LINGO2: variants seen among roughly 807,000 people sequenced by gnomAD.
LINGO2 encodes leucine-rich repeat and immunoglobulin-like domain-containing nogo receptor-interacting protein 2.
LINGO2 carries 14 observed loss-of-function variants against 30.6 expected under a neutral mutation model. That is an observed-to-expected ratio of 0.46 (90% CI 0.30 to 0.72). The LOEUF is 0.72. Ranked by LOEUF, LINGO2 falls within the 30% of genes least tolerant of loss-of-function variation. The pLI, the probability that LINGO2 is intolerant of heterozygous loss-of-function variation, is 0.07. For synonymous variants in LINGO2, 317 were observed against 288.5 expected, an observed-to-expected ratio of 1.10 and a Z score of -1.00; for missense variants, 729 against 751.7, an observed-to-expected ratio of 0.97 and a Z score of 0.35.
At chr9:28,616,716 T>G (rs1209329514) in intron 1 of LINGO2, among the ~76,000 whole-genome samples, 1 of 152,246 alleles carries the variant, frequency 6.6e-6, no homozygotes, top group Non-Finnish European at 1.5e-5. Context: ...TGCAATCATT[T>G]GGACTGGGCA....
chr9:28,506,485 C>T (rs370165592), intron 1 of LINGO2, among the ~76,000 whole-genome samples: 54,636 of 72,622 alleles, frequency 0.75, 20,366 homozygotes, highest in South Asian at 0.8. Context: ...CACACATACA[C>T]ATACACACAC....
chr9:28,939,736 A>G, the LINGO2 span, among the ~76,000 whole-genome samples: 138,018 of 152,134 alleles, frequency 0.91, 62,784 homozygotes, highest in Non-Finnish European at 0.94. Context: ...AAATACAGCA[A>G]CTGGAATATA....
the LINGO2 span, among the ~76,000 whole-genome samples, chr9:28,910,732 C>T: frequency 6.6e-6 from 1 of 151,944 alleles, no homozygotes. Context: ...CCTGTACAGC[C>T]TGAAGAACCA....
chr9:28,290,299 C>A (rs1000015869), intron 4 of LINGO2, among the ~76,000 whole-genome samples: 1 of 152,116 alleles, frequency 6.6e-6, no homozygotes, highest in Admixed American at 6.5e-5. Context: ...TGTTTTCAGG[C>A]AAATCAGTGG....
At chr9:28,256,790 A>G (rs1822396591) in intron 4 of LINGO2, among the ~76,000 whole-genome samples, 1 of 152,000 alleles carries the variant, frequency 6.6e-6, no homozygotes, top group African/African-American at 2.4e-5. Context: ...TTCTTATTTT[A>G]GAAAATGTGA....
chr9:29,051,560 T>C, the LINGO2 span, among the ~76,000 whole-genome samples: 14 of 152,138 alleles, frequency 9.2e-5, no homozygotes, highest in African/African-American at 3.1e-4. Context: ...TCCTCCTCTG[T>C]TCCCTAATGT....
the LINGO2 span, among the ~76,000 whole-genome samples, chr9:28,970,436 C>T: frequency 6.6e-6 from 1 of 152,102 alleles, no homozygotes; most frequent in Non-Finnish European, 1.5e-5. Flanking sequence ...ATCAGGTGAG[C>T]ACTCACACTA....
the LINGO2 span, among the ~76,000 whole-genome samples, chr9:28,778,675 A>T: frequency 1.2e-4 from 18 of 152,298 alleles, 2 homozygotes; most frequent in African/African-American, 4.3e-4. Context: ...TCCTGATGAA[A>T]TACCCTAGGG....
At chr9:28,495,502 G>T (rs1433499677) in intron 1 of LINGO2, among the ~76,000 whole-genome samples, 3 of 152,010 alleles carry the variant, frequency 2.0e-5, no homozygotes, top group Admixed American at 2.0e-4. Context: ...GTTTTTGTCA[G>T]GTTTGTCAAA....
At chr9:28,017,722 T>C (rs568685658) in intron 4 of LINGO2, among the ~76,000 whole-genome samples, 4 of 152,186 alleles carry the variant, frequency 2.6e-5, no homozygotes, top group Non-Finnish European at 5.9e-5. Flanking sequence ...ATGACACAAA[T>C]TGGAAAACAT....
the LINGO2 span, among the ~76,000 whole-genome samples, chr9:28,744,620 G>A: frequency 3.5e-5 from 5 of 142,956 alleles, no homozygotes; most frequent in African/African-American, 1.3e-4. Flanking sequence ...GTGTGTGTGT[G>A]TGTGTGTGTG....
chr9:28,139,277 C>CA (rs2133484812), intron 4 of LINGO2, among the ~76,000 whole-genome samples: 1 of 152,336 alleles, frequency 6.6e-6, no homozygotes, highest in South Asian at 2.1e-4. Context: ...TGGCTTCCAA[C>CA]AGCTTTCTAC....
At chr9:28,732,679 A>G in the LINGO2 span, among the ~76,000 whole-genome samples, 1 of 152,244 alleles carries the variant, frequency 6.6e-6, no homozygotes, top group Non-Finnish European at 1.5e-5. Flanking sequence ...ATAGCTGAGG[A>G]GACATAGCTG....
the LINGO2 span, among the ~76,000 whole-genome samples, chr9:28,725,351 A>ATT: frequency 6.6e-6 from 1 of 152,012 alleles, no homozygotes; most frequent in Non-Finnish European, 1.5e-5. Context: ...ATCAGTGGAC[A>ATT]TTGAGTAAAC....
chr9:28,372,624 T>G (rs1216318272), intron 3 of LINGO2, among the ~76,000 whole-genome samples: 2 of 125,216 alleles, frequency 1.6e-5, no homozygotes, highest in Non-Finnish European at 3.6e-5. Context: ...TAATTCTAAC[T>G]AATTATAGAG....
the LINGO2 span, among the ~76,000 whole-genome samples, chr9:28,699,552 G>C: frequency 6.6e-6 from 1 of 151,942 alleles, no homozygotes; most frequent in African/African-American, 2.4e-5. Context: ...CCTTGAAAAA[G>C]AACGGAATAA....
chr9:29,056,969 C>T, the LINGO2 span, among the ~76,000 whole-genome samples: 3 of 152,056 alleles, frequency 2.0e-5, no homozygotes, highest in African/African-American at 7.2e-5. Flanking sequence ...ATACCAGTAC[C>T]ATGCTGTTTT....
At chr9:29,189,086 G>A in the LINGO2 span, among the ~76,000 whole-genome samples, 1 of 82,746 alleles carries the variant, frequency 1.2e-5, no homozygotes, top group East Asian at 4.9e-4. Flanking sequence ...ATCCCGGACG[G>A]GGCGGCTGGC....
chr9:28,922,198 T>A, the LINGO2 span, among the ~76,000 whole-genome samples: 2 of 152,168 alleles, frequency 1.3e-5, no homozygotes, highest in Admixed American at 1.3e-4. Flanking sequence ...AATAAACCAG[T>A]CCCACAATGA....
Sources: gnomAD v4.1 joint callset for allele counts (sites outside exome capture counted in the v4.1 genomes callset) on GRCh38, gnomAD v4.1.1 for gene constraint, MANE v1.5 for transcripts, NCBI Gene and HGNC (gene_info 2026-07-23, HGNC 2026-07-21) for gene names.